LMBRD1: variants seen among roughly 807,000 people sequenced by gnomAD.
LMBRD1 encodes the protein LMBR1 domain containing 1, also known as lysosomal cobalamin transport escort protein LMBD1.
Under a neutral mutation model 74.8 loss-of-function variants are expected in LMBRD1, and 64 were observed. The ratio of observed to expected loss-of-function variants is 0.86; its 90% CI spans 0.70 to 1.05. LMBRD1 has a LOEUF of 1.05. LMBRD1 is among the 50% of genes least tolerant of loss of function. The pLI is 0.00. For missense variants in LMBRD1, 652 were observed against 645.9 expected (o/e 1.01, Z -0.10); for synonymous variants, 204 against 216.3 (o/e 0.94, Z 0.50).
At chr6:69,779,247 G>T (rs547480587) in intron 3 of LMBRD1, among the ~76,000 whole-genome samples, 1 of 145,942 alleles carries the variant, frequency 6.9e-6, no homozygotes, top group East Asian at 2.0e-4. Flanking sequence ...AGAAACTTTT[G>T]TAGATTTTTT....
intron 3 of LMBRD1, among the ~76,000 whole-genome samples, chr6:69,776,985 A>G (rs752460713): frequency 5.9e-5 from 9 of 151,878 alleles, no homozygotes; most frequent in African/African-American, 1.5e-4. Context: ...CATCTCTACT[A>G]AAAAATACAA....
chr6:69,752,400 T>C (rs369304570), intron 3 of LMBRD1, 44 bp from the exon 4 acceptor site: 1 of 1,453,716 alleles, frequency 6.9e-7, no homozygotes, highest in Non-Finnish European at 9.6e-7. Flanking sequence ...AATACATATG[T>C]ACTTAATCAT....
At chr6:69,771,712 C>T (rs1179674900) in intron 3 of LMBRD1, among the ~76,000 whole-genome samples, 1 of 152,082 alleles carries the variant, frequency 6.6e-6, no homozygotes, top group East Asian at 1.9e-4. Flanking sequence ...CTCTGAATTA[C>T]ATGGGAAGCT....
At chr6:69,736,922 G>A (rs894054267) in intron 7 of LMBRD1, among the ~76,000 whole-genome samples, 1 of 152,130 alleles carries the variant, frequency 6.6e-6, no homozygotes, top group African/African-American at 2.4e-5. Flanking sequence ...GATATTAGAT[G>A]ACAAGTTCCT....
At chr6:69,783,731 T>C (rs1369895151) in intron 2 of LMBRD1, among the ~76,000 whole-genome samples, 1 of 152,144 alleles carries the variant, frequency 6.6e-6, no homozygotes, top group Non-Finnish European at 1.5e-5. Context: ...TAATAACAAC[T>C]ATCTTTTTTT....
chr6:69,740,103 C>CTCAA (rs35451541), intron 6 of LMBRD1, among the ~76,000 whole-genome samples: 17,247 of 151,548 alleles, frequency 0.11, 2,719 homozygotes, highest in African/African-American at 0.36. Context: ...AAGACTCCGT[C>CTCAA]TCAATCAATC....
chr6:69,787,515 C>T (rs769925837), intron 2 of LMBRD1, among the ~76,000 whole-genome samples: 1 of 152,088 alleles, frequency 6.6e-6, no homozygotes, highest in Admixed American at 6.5e-5. Flanking sequence ...GAGGCCAAGA[C>T]GGGTGGATCA....
chr6:69,784,585 A>G (rs944349708), intron 2 of LMBRD1, among the ~76,000 whole-genome samples: 1 of 152,236 alleles, frequency 6.6e-6, no homozygotes, highest in African/African-American at 2.4e-5. Flanking sequence ...GCAGGCCCCC[A>G]TAACAAAGAA....
chr6:69,709,134 T>C (rs1766327103), intron 9 of LMBRD1, among the ~76,000 whole-genome samples: 1 of 151,674 alleles, frequency 6.6e-6, no homozygotes, highest in Admixed American at 6.6e-5. Flanking sequence ...CTTAGGAGGC[T>C]GAGGCAGGAG....
At chr6:69,756,706 G>C (rs1203340480) in intron 3 of LMBRD1, among the ~76,000 whole-genome samples, 1 of 152,116 alleles carries the variant, frequency 6.6e-6, no homozygotes, top group Admixed American at 6.5e-5. Flanking sequence ...CAGAGTCCAG[G>C]GCACTTATTG....
At chr6:69,692,950 G>T (rs1765921758) in intron 14 of LMBRD1, among the ~76,000 whole-genome samples, 4 of 152,040 alleles carry the variant, frequency 2.6e-5, no homozygotes, top group Admixed American at 2.6e-4. Context: ...GTCCATTAAG[G>T]TATATTGGTC....
At chr6:69,778,324 A>G (rs1473019130) in intron 3 of LMBRD1, among the ~76,000 whole-genome samples, 1 of 152,238 alleles carries the variant, frequency 6.6e-6, no homozygotes. Context: ...GGCATTTAAA[A>G]TGATACTAAG....
chr6:69,772,145 T>C (rs924991145), intron 3 of LMBRD1, among the ~76,000 whole-genome samples: 7 of 152,134 alleles, frequency 4.6e-5, no homozygotes, highest in African/African-American at 1.7e-4. Context: ...CGGTTGGACA[T>C]AGGATTGTGA....
intron 14 of LMBRD1, among the ~76,000 whole-genome samples, chr6:69,696,451 T>C (rs1335562719): frequency 6.6e-6 from 1 of 152,190 alleles, no homozygotes; most frequent in African/African-American, 2.4e-5. Context: ...ATTACCTCTT[T>C]AGTCACTTTC....
intron 4 of LMBRD1, 112 bp from the exon 5 acceptor site, chr6:69,749,520 T>C (rs746696581): frequency 3.6e-6 from 3 of 823,624 alleles, no homozygotes; most frequent in Non-Finnish European, 6.1e-6. Context: ...ACACTCAATA[T>C]TGAAACTAAG....
intron 3 of LMBRD1, among the ~76,000 whole-genome samples, chr6:69,762,079 C>A (rs1765386393): frequency 6.6e-6 from 1 of 152,170 alleles, no homozygotes; most frequent in Non-Finnish European, 1.5e-5. Context: ...ACAAGCCATG[C>A]CATAATTTGC....
chr6:69,686,342 C>T (rs1765763357), intron 14 of LMBRD1, among the ~76,000 whole-genome samples: 1 of 152,114 alleles, frequency 6.6e-6, no homozygotes, highest in Admixed American at 6.5e-5. Context: ...TACCACATCA[C>T]AGCTACACAC....
At chr6:69,754,198 T>C (rs1432898673) in intron 3 of LMBRD1, among the ~76,000 whole-genome samples, 1 of 152,010 alleles carries the variant, frequency 6.6e-6, no homozygotes, top group Non-Finnish European at 1.5e-5. Context: ...AGATGGAAAG[T>C]GTTATGGAGA....
At chr6:69,765,608 C>T (rs1399654195) in intron 3 of LMBRD1, among the ~76,000 whole-genome samples, 6 of 152,024 alleles carry the variant, frequency 3.9e-5, no homozygotes, top group South Asian at 4.1e-4. Flanking sequence ...TTGACTTCCA[C>T]GTAAATTTTA....
Sources: allele counts gnomAD v4.1 joint callset (sites outside exome capture counted in the v4.1 genomes callset), GRCh38; gene constraint gnomAD v4.1.1; transcripts MANE v1.5; gene names NCBI Gene and HGNC (gene_info 2026-07-23, HGNC 2026-07-21).